Variants in PECAM1 observed in about 807,000 individuals in gnomAD.
PECAM1 encodes platelet and endothelial cell adhesion molecule 1.
In PECAM1, 8 loss-of-function variants were observed where a neutral mutation model predicts 13.8. That is an observed-to-expected ratio of 0.58 (90% CI 0.34 to 1.05). The LOEUF (loss-of-function observed/expected upper bound fraction) is 1.05, where lower values mean the gene tolerates loss of function less well. PECAM1 is among the 50% of genes least tolerant of loss of function. The probability of loss-of-function intolerance (pLI) is 0.03; values close to 1 mark genes in which losing one functional copy is unlikely to be tolerated. For synonymous variants in PECAM1, 136 were observed against 52.6 expected (o/e 2.58, Z -6.86); for missense variants, 304 against 141.2 (o/e 2.15, Z -5.84).
intron 14 of PECAM1, among the ~76,000 whole-genome samples, chr17:64,336,913 A>G (rs2035293716): frequency 6.6e-6 from 1 of 151,884 alleles, no homozygotes. Context: ...AGAGAGAGAG[A>G]AAGATAGAAA....
chr17:64,348,945 T>TG (rs1373504381), intron 12 of PECAM1, among the ~76,000 whole-genome samples: 3 of 152,034 alleles, frequency 2.0e-5, no homozygotes, highest in Non-Finnish European at 4.4e-5. Context: ...GTTTCTACAG[T>TG]GGGGGGACTT....
At chr17:64,350,598 C>T (rs118193295) in intron 11 of PECAM1, among the ~76,000 whole-genome samples, 165 bp from the exon 12 acceptor site, 34 of 151,608 alleles carry the variant, frequency 2.2e-4, no homozygotes, top group African/African-American at 8.0e-4. Context: ...CTCCTGTGGG[C>T]TCCATTTGAC....
chr17:64,354,472 C>T (rs1474999982), intron 9 of PECAM1, among the ~76,000 whole-genome samples: 1 of 152,162 alleles, frequency 6.6e-6, no homozygotes, highest in Non-Finnish European at 1.5e-5. Flanking sequence ...AAAATTTTTG[C>T]AGGATTTACT....
intron 14 of PECAM1, among the ~76,000 whole-genome samples, chr17:64,340,020 G>A: frequency 6.6e-6 from 1 of 152,130 alleles, no homozygotes; most frequent in East Asian, 1.9e-4. Context: ...GCATGGTGGT[G>A]TGTGTCTGTG....
At chr17:64,384,059 A>G (rs1335374301) in intron 2 of PECAM1, among the ~76,000 whole-genome samples, 1 of 152,174 alleles carries the variant, frequency 6.6e-6, no homozygotes, top group Non-Finnish European at 1.5e-5. Flanking sequence ...TGAATCCAGG[A>G]GGTAGAGGTT....
chr17:64,368,335 G>T (rs1294219519), intron 5 of PECAM1, among the ~76,000 whole-genome samples: 9 of 152,148 alleles, frequency 5.9e-5, no homozygotes, highest in African/African-American at 2.2e-4. Flanking sequence ...AAGTACTTTA[G>T]AGGGAAATAA....
intron 14 of PECAM1, among the ~76,000 whole-genome samples, chr17:64,340,875 A>G (rs994647810): frequency 1.3e-5 from 2 of 152,144 alleles, no homozygotes; most frequent in Non-Finnish European, 2.9e-5. Context: ...AGGCGCGCGG[A>G]TTACCTGAGG....
At chr17:64,350,900 G>A (rs1198906397) in intron 11 of PECAM1, among the ~76,000 whole-genome samples, 23 of 151,734 alleles carry the variant, frequency 1.5e-4, no homozygotes, top group African/African-American at 5.3e-4. Flanking sequence ...TTTTGAGATG[G>A]AGTTTCGCTC....
At position 64,322,373 on chromosome 17, in the gene PECAM1, C is replaced by A; in HGVS notation, c.*1443G>T. The A allele has an allele frequency of 3.1e-6, 3 of 973,846 alleles. No homozygotes were observed. Among genetic ancestry groups the A allele is most frequent in the Non-Finnish European group, 3.7e-6 (3 of 819,070 alleles). The allele number at this position is 973,846 out of a possible 1,614,324, so 60.3% of individuals were successfully genotyped here. On this transcript the variant is annotated 3_prime_UTR_variant, in exon 16 of 16. Transcript: ENST00000563924. ...TGCAGTCCAGCCCGGGCAACAAGAG[C>A]GAATCTCCGTCTCAAAACAACAAAA...
chr17:64,327,906 T>C (rs2035001577), intron 15 of PECAM1, among the ~76,000 whole-genome samples: 1 of 152,238 alleles, frequency 6.6e-6, no homozygotes, highest in African/African-American at 2.4e-5. Flanking sequence ...GGCAATTCAA[T>C]TAATTTTCTC....
intron 2 of PECAM1, among the ~76,000 whole-genome samples, chr17:64,389,769 C>T (rs1042122195): frequency 3.3e-5 from 5 of 152,098 alleles, no homozygotes; most frequent in African/African-American, 9.7e-5. Flanking sequence ...AATGTGAGGC[C>T]GGGCGCGGTG....
chr17:64,363,064 G>T, intron 6 of PECAM1, 85 bp downstream of exon 6: 1 of 471,858 alleles, frequency 2.1e-6, no homozygotes, highest in South Asian at 7.1e-5. Flanking sequence ...AGTCTGCTCA[G>T]ACCGGAGAGG....
intron 14 of PECAM1, 145 bp from the exon 15 acceptor site, chr17:64,329,867 G>T: frequency 1.5e-6 from 1 of 689,568 alleles, no homozygotes; most frequent in East Asian, 2.7e-5. Flanking sequence ...GCCCTTAGAG[G>T]TTTATGGCTC....
intron 14 of PECAM1, among the ~76,000 whole-genome samples, chr17:64,338,839 G>A (rs983498360): frequency 7.2e-5 from 11 of 152,188 alleles, no homozygotes; most frequent in Non-Finnish European, 1.5e-4. Flanking sequence ...GATTACAGGC[G>A]TGAGCCACTG....
At chr17:64,360,000 C>A (rs1231211239) in intron 7 of PECAM1, 140 bp downstream of exon 7, 1 of 469,728 alleles carries the variant, frequency 2.1e-6, no homozygotes, top group Non-Finnish European at 3.9e-6. Flanking sequence ...GATTCACCGG[C>A]CTTGGCCTCC....
At chr17:64,342,545 T>C (rs1598009921) in intron 13 of PECAM1, among the ~76,000 whole-genome samples, 1 of 152,090 alleles carries the variant, frequency 6.6e-6, no homozygotes, top group South Asian at 2.1e-4. Context: ...GGGCTGGCTG[T>C]TTTCACTGCT....
chr17:64,343,224 C>A (rs918241660), intron 13 of PECAM1, among the ~76,000 whole-genome samples: 33 of 152,096 alleles, frequency 2.2e-4, no homozygotes, highest in Non-Finnish European at 3.5e-4. Flanking sequence ...CACTGAGATG[C>A]CCTTGTCTCA....
In PECAM1 at chr17:64,390,500, C is replaced by G; in HGVS notation, c.80G>C (p.Gly27Ala). The G allele has an allele frequency of 2.1e-6, 1 of 474,204 alleles. No individual in the cohort carries two copies. 29.4% of individuals were successfully genotyped at this position (474,204 alleles called of 1,614,324 possible). A position where few individuals can be genotyped will look rare whatever the true frequency, so the allele number is the denominator to read the frequency against. The change falls in exon 2 of 16, where the codon GGT becomes GCT. Residue 27 changes from glycine to alanine, a missense_variant. Transcript: ENST00000563924. ...AACATCAGACTTACAGTTTTCTTGA[C>G]CCTCAAGGCTTGAACCTGCAAGAAA... ...LTLLLCSSLE[G>A]QENSFTINSV... is the part of the protein sequence containing the mutation.
At chr17:64,361,160 T>TGTG (rs2035968097) in intron 6 of PECAM1, among the ~76,000 whole-genome samples, 2 of 148,060 alleles carry the variant, frequency 1.4e-5, no homozygotes, top group African/African-American at 2.5e-5. Flanking sequence ...TGTGTGTGTG[T>TGTG]TCTGAGACCG....
Sources: allele counts gnomAD v4.1 joint callset (sites outside exome capture counted in the v4.1 genomes callset), GRCh38; gene constraint gnomAD v4.1.1; transcripts MANE v1.5; gene names NCBI Gene and HGNC (gene_info 2026-07-23, HGNC 2026-07-21).